CORO2B: variants seen among roughly 807,000 people sequenced by gnomAD.
The protein encoded by CORO2B is coronin-2B.
In CORO2B, 26 loss-of-function variants were observed where a neutral mutation model predicts 58.8. The observed-to-expected ratio is 0.44, with a 90% CI of 0.32 to 0.61. CORO2B has a LOEUF of 0.61. Among genes scored for constraint, CORO2B ranks in the 20% least tolerant of loss-of-function variants. The pLI, the probability that CORO2B is intolerant of heterozygous loss-of-function variation, is 0.04. For missense variants in CORO2B, 460 were observed against 645.1 expected, an observed-to-expected ratio of 0.71 and a Z score of 3.11; for synonymous variants, 242 against 253.8, an observed-to-expected ratio of 0.95 and a Z score of 0.44.
chr15:68,616,440 C>A, intron 1 of CORO2B: 1 of 503,080 alleles, frequency 2.0e-6, no homozygotes, highest in Non-Finnish European at 2.6e-6. Context: ...AGGTCTTGCT[C>A]AAGGTCACCC....
intron 2 of CORO2B, among the ~76,000 whole-genome samples, chr15:68,691,993 CAGAGAGTA>C (rs1264070921): frequency 6.6e-6 from 1 of 152,198 alleles, no homozygotes; most frequent in African/African-American, 2.4e-5. Context: ...ATGACTCTGT[CAGAGAGTA>C]AGTGAGCTGT....
At chr15:68,708,448 C>A (rs1892834969) in intron 3 of CORO2B, among the ~76,000 whole-genome samples, 1 of 150,618 alleles carries the variant, frequency 6.6e-6, no homozygotes, top group Non-Finnish European at 1.5e-5. Context: ...GCAAGCTCCG[C>A]CTCCCAGGCT....
chr15:68,525,737 T>A, the CORO2B span, among the ~76,000 whole-genome samples: 43 of 152,332 alleles, frequency 2.8e-4, no homozygotes, highest in East Asian at 1.2e-3. Context: ...TGGATTTTTT[T>A]AAAATAATTT....
chr15:68,668,585 G>A (rs969831734), intron 2 of CORO2B, among the ~76,000 whole-genome samples: 4 of 151,980 alleles, frequency 2.6e-5, no homozygotes, highest in Non-Finnish European at 4.4e-5. Flanking sequence ...AGAGAGAATA[G>A]CATGTGCTGA....
chr15:68,632,887 C>T (rs955373645), intron 1 of CORO2B, among the ~76,000 whole-genome samples: 2 of 152,188 alleles, frequency 1.3e-5, no homozygotes, highest in African/African-American at 2.4e-5. Flanking sequence ...CCACCACACC[C>T]GGCCAATAAA....
chr15:68,549,488 C>A, the CORO2B span, among the ~76,000 whole-genome samples: 1 of 152,180 alleles, frequency 6.6e-6, no homozygotes, highest in African/African-American at 2.4e-5. Context: ...GGACTTCCAG[C>A]TCCTTCCCTC....
At chr15:68,715,134 C>A in intron 7 of CORO2B, 81 bp from the exon 8 acceptor site, 1 of 1,267,794 alleles carries the variant, frequency 7.9e-7, no homozygotes, top group Non-Finnish European at 1.2e-6. Context: ...GGAGAGCTGT[C>A]TTCAGCTGGC....
At chr15:68,671,416 C>T (rs541591786) in intron 2 of CORO2B, among the ~76,000 whole-genome samples, 2 of 152,310 alleles carry the variant, frequency 1.3e-5, no homozygotes, top group East Asian at 3.9e-4. Context: ...GCTTACCTGC[C>T]TCAGTTTCCC....
intron 1 of CORO2B, chr15:68,616,680 T>A (rs1900368167): frequency 1.1e-6 from 1 of 934,358 alleles, no homozygotes; most frequent in African/African-American, 1.8e-5. Flanking sequence ...ATCTGCGAGA[T>A]CTCCCATGGG....
chr15:68,626,309 CTGATT>C (rs1193821735), intron 1 of CORO2B, among the ~76,000 whole-genome samples: 1 of 152,156 alleles, frequency 6.6e-6, no homozygotes, highest in Non-Finnish European at 1.5e-5. Context: ...ATAGTAGTTT[CTGATT>C]TTTGATTTTT....
the CORO2B span, among the ~76,000 whole-genome samples, chr15:68,560,448 C>A: frequency 6.6e-6 from 1 of 152,048 alleles, no homozygotes; most frequent in Non-Finnish European, 1.5e-5. Context: ...GTGCATGCCA[C>A]CATGCCCAGC....
chr15:68,703,229 C>A (rs1477835953), intron 3 of CORO2B, among the ~76,000 whole-genome samples: 2 of 146,392 alleles, frequency 1.4e-5, no homozygotes, highest in Non-Finnish European at 3.0e-5. Context: ...CAGCTCACTG[C>A]AACCTCCGAC....
At chr15:68,642,804 C>A (rs973730253) in intron 1 of CORO2B, among the ~76,000 whole-genome samples, 4 of 152,078 alleles carry the variant, frequency 2.6e-5, no homozygotes, top group Non-Finnish European at 5.9e-5. Context: ...CAGAGTGAGT[C>A]AGGCCTTAAA....
chr15:68,687,526 C>A (rs561246100), intron 2 of CORO2B, among the ~76,000 whole-genome samples: 3 of 152,338 alleles, frequency 2.0e-5, no homozygotes, highest in African/African-American at 7.2e-5. Flanking sequence ...ATGCCGCCAG[C>A]CTTTCCAAGG....
intron 1 of CORO2B, among the ~76,000 whole-genome samples, chr15:68,626,801 C>G (rs1443989468): frequency 6.6e-6 from 1 of 152,148 alleles, no homozygotes; most frequent in South Asian, 2.1e-4. Flanking sequence ...GGCTGAGAAC[C>G]GCTGCTCCAG....
At chr15:68,669,028 A>G (rs1902292553) in intron 2 of CORO2B, among the ~76,000 whole-genome samples, 1 of 151,792 alleles carries the variant, frequency 6.6e-6, no homozygotes, top group Non-Finnish European at 1.5e-5. Context: ...CGGTGAGCCA[A>G]GACCACACCA....
chr15:68,595,208 A>G (rs1195635168), intron 1 of CORO2B, among the ~76,000 whole-genome samples: 1 of 152,040 alleles, frequency 6.6e-6, no homozygotes, highest in Admixed American at 6.6e-5. Flanking sequence ...CAGAGAGAGT[A>G]CTCTCTTGAG....
chr15:68,639,682 AC>A (rs200966912), intron 1 of CORO2B, among the ~76,000 whole-genome samples: 5 of 151,394 alleles, frequency 3.3e-5, no homozygotes, highest in African/African-American at 4.9e-5. Context: ...TAAATCTTGA[AC>A]CCCCCCAGGG....
chr15:68,560,058 C>T, the CORO2B span, among the ~76,000 whole-genome samples: 1 of 152,108 alleles, frequency 6.6e-6, no homozygotes. Context: ...TGGAGACTGC[C>T]GATTTGAAGA....
Sources: gnomAD v4.1 joint callset for allele counts (sites outside exome capture counted in the v4.1 genomes callset) on GRCh38, gnomAD v4.1.1 for gene constraint, MANE v1.5 for transcripts, NCBI Gene and HGNC (gene_info 2026-07-23, HGNC 2026-07-21) for gene names.